The following ATL1 variants were observed in gnomAD, a reference collection of about 807,000 sequenced individuals.
ATL1 encodes atlastin GTPase 1.
In ATL1, 31 loss-of-function variants were observed where a neutral mutation model predicts 75.5. That is an observed-to-expected ratio of 0.41 (90% CI 0.31 to 0.55). ATL1 has a LOEUF of 0.55. ATL1 is among the 20% of genes least tolerant of loss of function. The pLI is 0.27. For synonymous variants in ATL1, 226 were observed against 233.3 expected (o/e 0.97, Z 0.28); for missense variants, 405 against 662.6 (o/e 0.61, Z 4.27).
intron 1 of ATL1, among the ~76,000 whole-genome samples, chr14:50,549,459 T>C (rs1428097685): frequency 6.6e-6 from 1 of 152,148 alleles, no homozygotes; most frequent in East Asian, 1.9e-4. Context: ...TCCACAGGAC[T>C]GACAAGTCAA....
chr14:50,561,147 G>A (rs1207592772), intron 1 of ATL1: 1 of 152,300 alleles, frequency 6.6e-6, no homozygotes, highest in Non-Finnish European at 1.5e-5. Context: ...TGCTCACGCA[G>A]GCGGAGAAGA....
rs778318620 is a variant in ATL1 at position 50,628,243 on chromosome 14, A to C, written c.1332A>C (p.Ala444=). ...ATGATAGCAAAAATATCTTCCATGC[A>C]GCTCGTACCCCAGCCACACTGTTTG... is the stretch of plus-strand genomic sequence containing the variant. The part of the protein sequence containing the change: ...KHNDSKNIFH[A]ARTPATLFVV... The change falls in exon 12 of 14, where the codon GCA becomes GCC. Residue 444 remains alanine, a synonymous_variant. Coordinates refer to ENST00000358385, the MANE Select transcript of ATL1 (RefSeq NM_015915.5). 1.3e-5 allele frequency: 21 copies of C among 1,614,094 alleles called. No individual in the cohort carries two copies. The highest frequency in any genetic ancestry group is 1.8e-5 in the Non-Finnish European group (21 of 1,180,046).
intron 1 of ATL1, among the ~76,000 whole-genome samples, chr14:50,577,400 T>A (rs2039016335): frequency 6.6e-6 from 1 of 152,150 alleles, no homozygotes; most frequent in South Asian, 2.1e-4. Context: ...AATAATACAG[T>A]CTCTGCTCTC....
intron 2 of ATL1, among the ~76,000 whole-genome samples, chr14:50,589,155 C>CTTT (rs34191629): frequency 3.4e-4 from 37 of 109,384 alleles, no homozygotes; most frequent in African/African-American, 4.4e-4. Flanking sequence ...TTCTTTCTTT[C>CTTT]TTTTTTTTTT....
intron 1 of ATL1, among the ~76,000 whole-genome samples, chr14:50,574,939 A>G (rs28495038): frequency 1.5e-3 from 82 of 53,048 alleles, no homozygotes; most frequent in East Asian, 0.012. Context: ...GTGTGTGTGT[A>G]TATATATATA....
intron 1 of ATL1, among the ~76,000 whole-genome samples, chr14:50,579,179 G>A (rs1055051830): frequency 1.3e-5 from 2 of 152,128 alleles, no homozygotes; most frequent in South Asian, 4.1e-4. Context: ...TGTATGGTGA[G>A]AGCTAAGGAT....
chr14:50,623,862 C>A (rs2039491530), intron 11 of ATL1, among the ~76,000 whole-genome samples: 1 of 151,878 alleles, frequency 6.6e-6, no homozygotes, highest in African/African-American at 2.4e-5. Context: ...ACCAGTCTGG[C>A]CAACATGGTG....
intron 1 of ATL1, among the ~76,000 whole-genome samples, chr14:50,573,932 A>G (rs2038977906): frequency 6.6e-6 from 1 of 152,074 alleles, no homozygotes; most frequent in African/African-American, 2.4e-5. Flanking sequence ...CCTGAAGTCT[A>G]TTTTATCTGA....
intron 6 of ATL1, among the ~76,000 whole-genome samples, chr14:50,605,319 G>C (rs888571652): frequency 6.6e-6 from 1 of 151,586 alleles, no homozygotes; most frequent in Non-Finnish European, 1.5e-5. Flanking sequence ...AGGATATTTT[G>C]GTCTTGTTTT....
intron 1 of ATL1, among the ~76,000 whole-genome samples, chr14:50,545,790 G>C (rs2038623760): frequency 6.6e-6 from 1 of 152,202 alleles, no homozygotes; most frequent in African/African-American, 2.4e-5. Context: ...CCAAAAACAT[G>C]GGGAAGTTCA....
rs547685637 is a variant in ATL1, at chr14:50,632,733, A to T, written c.*394A>T. On this transcript the variant is annotated 3_prime_UTR_variant, in exon 14 of 14. Coordinates refer to ENST00000358385, the MANE Select transcript of ATL1 (RefSeq NM_015915.5). The stretch of plus-strand genomic sequence containing the variant: ...AATTTTAAATTATTTCACATTAGCC[A>T]TTTGTTAAAACACAGCATCATAACT... The T allele has an allele frequency of 1.1e-4, 23 of 212,992 alleles. No homozygotes were observed. In the South Asian group the frequency reaches 1.8e-3, roughly 17 times the overall value. 13.2% of individuals were successfully genotyped at this position (212,992 alleles called of 1,614,324 possible).
intron 1 of ATL1, among the ~76,000 whole-genome samples, chr14:50,551,324 A>G (rs983376330): frequency 1.4e-5 from 2 of 139,302 alleles, no homozygotes; most frequent in Non-Finnish European, 3.1e-5. Flanking sequence ...TGATTAAATC[A>G]GGAAGAAATA....
chr14:50,629,144 G>A (rs1313113421), intron 12 of ATL1, among the ~76,000 whole-genome samples: 1 of 152,136 alleles, frequency 6.6e-6, no homozygotes, highest in Non-Finnish European at 1.5e-5. Context: ...CATTAGCTTT[G>A]TTAGGAGCTA....
intron 1 of ATL1, among the ~76,000 whole-genome samples, chr14:50,567,156 A>T (rs1348057272): frequency 2.6e-5 from 4 of 152,168 alleles, no homozygotes; most frequent in Non-Finnish European, 5.9e-5. Context: ...ACTAGCAGCC[A>T]CCATTCTACT....
At chr14:50,560,382 C>T (rs2038822380) in intron 1 of ATL1, 83 bp downstream of exon 1, 9 of 1,538,494 alleles carry the variant, frequency 5.8e-6, no homozygotes, top group Non-Finnish European at 8.0e-6. Flanking sequence ...CAGGGAGGGC[C>T]AAGGGCTGCT....
chr14:50,579,194 G>A (rs925869276), intron 1 of ATL1, among the ~76,000 whole-genome samples: 3 of 152,056 alleles, frequency 2.0e-5, no homozygotes, highest in Admixed American at 6.6e-5. Context: ...AAGGATGATG[G>A]CTCATTTTCC....
chr14:50,625,052 G>C (rs1052416732), intron 11 of ATL1, among the ~76,000 whole-genome samples: 2 of 149,962 alleles, frequency 1.3e-5, no homozygotes, highest in African/African-American at 4.9e-5. Flanking sequence ...TCCAGCCTGG[G>C]GGACTGAGTG....
chr14:50,576,367 T>C (rs2140190480), intron 1 of ATL1, among the ~76,000 whole-genome samples: 1 of 152,312 alleles, frequency 6.6e-6, no homozygotes, highest in South Asian at 2.1e-4. Context: ...AGTTGGTTCT[T>C]TCCTTCCTTG....
intron 6 of ATL1, among the ~76,000 whole-genome samples, chr14:50,610,445 G>T (rs2039355117): frequency 6.6e-6 from 1 of 152,052 alleles, no homozygotes; most frequent in African/African-American, 2.4e-5. Flanking sequence ...AAGAATGTGA[G>T]TACTCAGGAA....
Sources: allele counts gnomAD v4.1 joint callset (sites outside exome capture counted in the v4.1 genomes callset), GRCh38; gene constraint gnomAD v4.1.1; transcripts MANE v1.5; gene names NCBI Gene and HGNC (gene_info 2026-07-23, HGNC 2026-07-21).